Variants in MON2 observed in about 807,000 individuals in gnomAD.
MON2 encodes the protein MON2 regulator of endosome-to-Golgi trafficking.
A neutral mutation model predicts 208.6 loss-of-function variants in MON2; 84 were observed. The observed-to-expected ratio is 0.40, with a 90% CI of 0.34 to 0.48. The LOEUF (loss-of-function observed/expected upper bound fraction) is 0.48. Among genes scored for constraint, MON2 ranks in the 20% least tolerant of loss-of-function variants. The pLI is 0.59. For synonymous variants in MON2, 660 were observed against 694.0 expected (o/e 0.95, Z 0.77); for missense variants, 1,611 against 2,015.4 (o/e 0.80, Z 3.84).
At chr12:62,508,161 T>C (rs747785912) in intron 7 of MON2, 125 bp from the exon 8 acceptor site, 8 of 698,446 alleles carry the variant, frequency 1.1e-5, no homozygotes, top group East Asian at 5.4e-5. Context: ...TATAAACTTA[T>C]AGTAAAGCTA....
rs2075435493 is a variant in MON2 at position 62,592,683 on chromosome 12, G to A, written c.5088G>A (p.Glu1696=). 1.2e-6 allele frequency: 2 copies of A among 1,610,924 alleles called. No individual in the cohort carries two copies. The highest frequency in any genetic ancestry group is 1.3e-5 in the African/African-American group (1 of 74,996). The change falls in exon 35 of 35, where the codon GAG becomes GAA. Residue 1696 remains glutamate (E), a synonymous_variant. Coordinates refer to ENST00000393630, the MANE Select transcript of MON2 (RefSeq NM_015026.3). The part of the protein sequence containing the change: ...SSSEVCSALK[E]ALVPFKDFMQ... ...CAGAAGTCTGTTCTGCACTTAAAGA[G>A]GCACTAGTTCCTTTTAAGGATTTCA...
At chr12:62,480,661 T>C (rs773412480) in intron 1 of MON2, among the ~76,000 whole-genome samples, 13 of 152,234 alleles carry the variant, frequency 8.5e-5, no homozygotes, top group Admixed American at 7.9e-4. Flanking sequence ...TCAACTCTTA[T>C]TCATCTCAGG....
At chr12:62,520,598 C>T (rs1303542323) in intron 8 of MON2, among the ~76,000 whole-genome samples, 7 of 151,914 alleles carry the variant, frequency 4.6e-5, no homozygotes, top group African/African-American at 1.4e-4. Flanking sequence ...ACAGTAAAAA[C>T]GCTTCATGTG....
rs918009979 is a variant in MON2 at position 62,571,443 on chromosome 12, T to C, written c.4375T>C (p.Trp1459Arg). 1.5e-5 allele frequency: 25 copies of C among 1,613,278 alleles called. No homozygotes were observed. Among genetic ancestry groups the C allele is most frequent in the Non-Finnish European group, 2.0e-5 (24 of 1,179,326 alleles). ...GTATTCCTGCCCTTCTGAAAGCACA[T>C]GGAAACTAGCAGTATCCTCTCTCCT... ...LKYSCPSEST[W>R]KLAVSSLLRV... Residue 1459 changes from tryptophan (W) to arginine (R), a missense_variant, in exon 30 of 35, where the codon TGG becomes CGG. Physicochemically the swap from Trp to Arg is moderately radical, Grantham distance 101 (BLOSUM62 -3). Coordinates refer to ENST00000393630, the MANE Select transcript of MON2 (RefSeq NM_015026.3).
At chr12:62,493,227 T>TGTGCATTTTCTAACCTC (rs556148049) in intron 2 of MON2, among the ~76,000 whole-genome samples, 1 of 152,192 alleles carries the variant, frequency 6.6e-6, no homozygotes, top group African/African-American at 2.4e-5. Flanking sequence ...TAATTCAGTT[T>TGTGCATTTTCTAACCTC]GTGCATTTTC....
rs753721541 is a variant in MON2, at chr12:62,500,806, G to A, written c.589G>A (p.Val197Ile). 12 of 1,595,388 alleles carry A rather than the reference G, an allele frequency of 7.5e-6. No homozygotes were observed. Among genetic ancestry groups the A allele is most frequent in the South Asian group, 2.3e-5 (2 of 87,668 alleles). ...HRDIIEQPVL[V>I]QGNSNRRSVS... ...AGATATTATAGAACAACCAGTACTG[G>A]TACAAGGAAATAGTAACAGAAGATC... The change falls in exon 6 of 35, where the codon GTA becomes ATA. Residue 197 changes from valine (V) to isoleucine (I), a missense_variant. Val to Ile is a conservative substitution (Grantham distance 29). Transcript: ENST00000393630.
chr12:62,527,676 C>T (rs77644838), intron 11 of MON2, among the ~76,000 whole-genome samples: 14,617 of 151,802 alleles, frequency 0.096, 984 homozygotes, highest in East Asian at 0.27. Flanking sequence ...TAAATAAATA[C>T]ACAAGTAAAT....
intron 12 of MON2, among the ~76,000 whole-genome samples, chr12:62,534,543 A>T (rs1385081373): frequency 0.024 from 512 of 21,404 alleles, 14 homozygotes; most frequent in African/African-American, 0.098. Flanking sequence ...AAAAAAAAAA[A>T]TATATATATA....
At chr12:62,549,549 T>A in intron 22 of MON2, 119 bp from the exon 23 acceptor site, 1 of 781,344 alleles carries the variant, frequency 1.3e-6, no homozygotes, top group South Asian at 2.5e-5. Flanking sequence ...CCAGGGAGGT[T>A]GAGAGTGAGG....
intron 19 of MON2, among the ~76,000 whole-genome samples, chr12:62,539,510 G>A (rs1010629851): frequency 2.0e-5 from 3 of 150,686 alleles, no homozygotes; most frequent in Non-Finnish European, 4.4e-5. Flanking sequence ...CTTGTGATCC[G>A]CCCGCCTCAG....
chr12:62,504,073 T>C (rs996116503), intron 7 of MON2, among the ~76,000 whole-genome samples: 4 of 152,100 alleles, frequency 2.6e-5, no homozygotes, highest in Non-Finnish European at 5.9e-5. Flanking sequence ...AGTACACTGT[T>C]GTATAGGTGT....
rs1226019869 is a variant in MON2 at position 62,543,309 on chromosome 12, CCTGA to C, written c.2466+115_2466+118del. 5.9e-6 allele frequency: 3 copies of C among 511,154 alleles called. No homozygotes were observed. The Admixed American group carries it at 1.2e-4, about 21-fold the overall frequency. The allele number at this position is 511,154 out of a possible 1,614,324, so 31.7% of individuals were successfully genotyped here. ...CAGCATTAACTTTTTTTCCCCCTTTCCTGACTGTGTACTTACTTATGTTTGTACA... is the reference window on the plus strand; with the variant it reads ...CAGCATTAACTTTTTTTCCCCCTTTCCTGTGTACTTACTTATGTTTGTACA... On this transcript the variant is annotated intron_variant, in intron 20 of 34. Transcript: ENST00000393630.
chr12:62,490,184 C>T (rs1046827651), intron 2 of MON2: 24 of 212,338 alleles, frequency 1.1e-4, no homozygotes, highest in Non-Finnish European at 2.2e-4. Context: ...ATCCAATACA[C>T]AGTGTTACTC....
intron 30 of MON2, among the ~76,000 whole-genome samples, chr12:62,574,629 C>G (rs2074712675): frequency 6.6e-6 from 1 of 152,046 alleles, no homozygotes; most frequent in African/African-American, 2.4e-5. Context: ...AATAAAGCTT[C>G]TAAATTCAGC....
At chr12:62,579,468 A>T (rs1054419961) in intron 31 of MON2, among the ~76,000 whole-genome samples, 1 of 151,864 alleles carries the variant, frequency 6.6e-6, no homozygotes, top group Non-Finnish European at 1.5e-5. Flanking sequence ...TCACACCTGT[A>T]ATCTCAGCAC....
chr12:62,482,732 C>T (rs1205672745), intron 1 of MON2: 1 of 152,096 alleles, frequency 6.6e-6, no homozygotes, highest in Non-Finnish European at 1.5e-5. Flanking sequence ...TTTTTAACTG[C>T]ATTAAAAAGT....
At chr12:62,511,474 G>A (rs2136124168) in intron 8 of MON2, among the ~76,000 whole-genome samples, 1 of 152,298 alleles carries the variant, frequency 6.6e-6, no homozygotes, top group Non-Finnish European at 1.5e-5. Context: ...ATATGGTCAA[G>A]TGATCTTTGA....
intron 8 of MON2, among the ~76,000 whole-genome samples, chr12:62,511,843 A>C (rs1377631479): frequency 6.6e-6 from 1 of 152,228 alleles, no homozygotes; most frequent in Non-Finnish European, 1.5e-5. Flanking sequence ...CTGCTGATAA[A>C]GACATACCCG....
rs2075542433 is a variant in MON2, at chr12:62,597,125, G to A, written c.*4376G>A. 2 of 152,020 alleles carry A rather than the reference G, an allele frequency of 1.3e-5. No homozygotes were observed. The highest frequency in any genetic ancestry group is 4.1e-4 in the South Asian group (2 of 4,822). 9.4% of individuals were successfully genotyped at this position (152,020 alleles called of 1,614,324 possible). A position where few individuals can be genotyped will look rare whatever the true frequency, so the allele number is the denominator to read the frequency against. ...AGTGTGGAGTTGATTTTAATGACAG[G>A]GTAATTCAAGTTGTTTGATAAATTT... On this transcript the variant is annotated 3_prime_UTR_variant, in exon 35 of 35. Coordinates refer to ENST00000393630, the MANE Select transcript of MON2 (RefSeq NM_015026.3).
Sources: gnomAD v4.1 joint callset for allele counts (sites outside exome capture counted in the v4.1 genomes callset) on GRCh38, gnomAD v4.1.1 for gene constraint, MANE v1.5 for transcripts, NCBI Gene and HGNC (gene_info 2026-07-23, HGNC 2026-07-21) for gene names.